Variants in ABCA7 observed in about 807,000 individuals in gnomAD.
ABCA7 encodes the protein ATP binding cassette subfamily A member 7, also known as phospholipid-transporting ATPase ABCA7.
In ABCA7, 261 loss-of-function variants were observed where a neutral mutation model predicts 227.6. The ratio of observed to expected loss-of-function variants is 1.15; its 90% CI spans 1.04 to 1.27. ABCA7 has a LOEUF of 1.27. Among genes scored for constraint, ABCA7 ranks in the 50% most tolerant of loss-of-function variants. The probability of loss-of-function intolerance (pLI) is 0.00; values close to 1 mark genes in which losing one functional copy is unlikely to be tolerated. For missense variants in ABCA7, 3,331 were observed against 2,924.5 expected (o/e 1.14, Z -3.21); for synonymous variants, 1,488 against 1,279.7 (o/e 1.16, Z -3.47).
In ABCA7 at chr19:1,046,275, C is replaced by G. The variant is rs776775082; in HGVS notation, c.1491C>G (p.Arg497=). The part of the protein sequence containing the change: ...GPAADPLTDL[R]YVWGGFVYLQ... ...CCGCGGACCCCCTGACCGACCTGCG[C>G]TACGTGTGGGGCGGCTTCGTGTACC... is the stretch of plus-strand genomic sequence containing the variant. The change falls in exon 13 of 47, where the codon CGC becomes CGG. Residue 497 remains arginine (R), a synonymous_variant. Transcript: ENST00000263094. The G allele has an allele frequency of 3.7e-6, 6 of 1,606,852 alleles. No homozygotes were observed. The highest frequency in any genetic ancestry group is 1.6e-4 in the Middle Eastern group (1 of 6,084).
At chr19:1,045,255 G>A (rs753821072) in intron 12 of ABCA7, 24 bp downstream of exon 12, 13 of 1,567,512 alleles carry the variant, frequency 8.3e-6, no homozygotes, top group African/African-American at 1.3e-5. Context: ...GGGGGCGGGG[G>A]GATGAGGGAC....
chr19:1,048,515 A>C (rs1317414887), intron 16 of ABCA7, among the ~76,000 whole-genome samples: 4 of 142,378 alleles, frequency 2.8e-5, no homozygotes, highest in Non-Finnish European at 6.1e-5. Context: ...AAAAACAAAA[A>C]AAAAAAAAAC....
intron 11 of ABCA7, 74 bp from the exon 12 acceptor site, chr19:1,044,915 CCCAGCCCCGAGGT>C (rs1263866803): frequency 2.0e-6 from 3 of 1,534,026 alleles, no homozygotes. Flanking sequence ...GAAAACATGG[CCCAGCCCCGAGGT>C]CCAGGGGGAG....
intron 16 of ABCA7, 68 bp downstream of exon 16, chr19:1,047,722 T>C (rs2040852486): frequency 7.3e-7 from 1 of 1,369,910 alleles, no homozygotes; most frequent in Non-Finnish European, 9.6e-7. Context: ...GCTAGGGGTG[T>C]GGCCTCCAGG....
At position 1,062,175 on chromosome 19, in the gene ABCA7, G is replaced by A. The variant is rs1286678988; in HGVS notation, c.5574G>A (p.Val1858=). Residue 1858 remains valine, a synonymous_variant, in exon 42 of 47, where the codon GTG becomes GTA. Transcript: ENST00000263094. ...RGEAVLAGHS[V]AREPSAAHLS... ...CCCCCGGCGCCCCCATCCCCAGCGT[G>A]GCCCGGGAACCCAGTGCTGCGCACC... is the stretch of plus-strand genomic sequence containing the variant. 6.2e-7 allele frequency: 1 copy of A among 1,611,692 alleles called. No homozygotes were observed. Among genetic ancestry groups the A allele is most frequent in the Non-Finnish European group, 8.5e-7 (1 of 1,179,292 alleles).
chr19:1,045,074 G>T lies in ABCA7; in HGVS notation c.1288G>T (p.Ala430Ser), dbSNP rs778098371. The change falls in exon 12 of 47, where the codon GCG becomes TCG. Residue 430 changes from alanine to serine, a missense_variant. Transcript: ENST00000263094. ...ALVSRALQLL[A>S]EHRFWAGVVF... ...GGTGTCGCGGGCCCTGCAACTGCTCGCGGAACATCGATTCTGGGCCGGCGT... is the reference window on the plus strand; with the variant it reads ...GGTGTCGCGGGCCCTGCAACTGCTCTCGGAACATCGATTCTGGGCCGGCGT... The T allele has an allele frequency of 6.2e-6, 10 of 1,612,934 alleles. No individual in the cohort carries two copies. The highest frequency in any genetic ancestry group is 1.6e-4 in the Middle Eastern group (1 of 6,062).
chr19:1,052,686 TAGGAGGGAGAGGAGG>T (rs1385782374), intron 23 of ABCA7, among the ~76,000 whole-genome samples: 624 of 16,480 alleles, frequency 0.038, 10 homozygotes, highest in Middle Eastern at 0.12. Context: ...GGGGGAGGAG[TAGGAGGGAGAGGAGG>T]AGGAGGGAGA....
rs755444670 is a variant in ABCA7 at position 1,042,362 on chromosome 19, G to C, written c.463G>C (p.Asp155His). The part of the protein sequence containing the change: ...KQSPLEPPML[D>H]VAELLTSLLR... ...GTCTCCACTGGAACCACCCATGCTG[G>C]ATGTCGCGGAGCTGCTGACGTCACT... The change falls in exon 6 of 47, where the codon GAT becomes CAT. Residue 155 changes from aspartate (D) to histidine (H), a missense_variant. Transcript: ENST00000263094. The C allele has an allele frequency of 1.2e-6, 2 of 1,602,584 alleles. No homozygotes were observed. The highest frequency in any genetic ancestry group is 1.7e-6 in the Non-Finnish European group (2 of 1,172,140).
intron 45 of ABCA7, 126 bp downstream of exon 45, chr19:1,064,379 T>C: frequency 8.9e-7 from 1 of 1,120,974 alleles, no homozygotes; most frequent in Non-Finnish European, 1.2e-6. Flanking sequence ...GGCCAAGGCT[T>C]TAGATTGTCC....
rs1389032585 is a variant in ABCA7, at chr19:1,044,635, A to G, written c.1106A>G (p.His369Arg). The G allele has an allele frequency of 1.2e-5, 20 of 1,613,272 alleles. No homozygotes were observed. The highest frequency in any genetic ancestry group is 1.5e-5 in the Non-Finnish European group (18 of 1,179,970). The change falls in exon 11 of 47, where the codon CAC becomes CGC. Residue 369 changes from histidine (H) to arginine (R), a missense_variant. Transcript: ENST00000263094. ...RRQPRPGGRDHMEALRSFLDP... is the reference protein window; with the variant it reads ...RRQPRPGGRDRMEALRSFLDP... The stretch of plus-strand genomic sequence containing the variant: ...CAGCCCAGACCTGGAGGCCGGGACC[A>G]CATGGAGGCCCTGCGATCCTTTCTG...
Position 1,064,353 on chromosome 19 carries a change from C to T in ABCA7, c.6044+100C>T. 1.5e-6 allele frequency: 2 copies of T among 1,302,296 alleles called. 1 individual carries two copies. The highest frequency in any genetic ancestry group is 2.1e-6 in the Non-Finnish European group (2 of 965,892). The allele number at this position is 1,302,296 out of a possible 1,614,324, so 80.7% of individuals were successfully genotyped here. On this transcript the variant is annotated intron_variant, in intron 45 of 46. Transcript: ENST00000263094. ...GTAGAGCCGGGTGAGGAAAGTTTGG[C>T]TCCAACTGGAGAGATGGCCAAGGCT...
At position 1,054,627 on chromosome 19, in the gene ABCA7, C is replaced by T. The variant is rs1301056019; in HGVS notation, c.3784C>T (p.Pro1262Ser). ...LALVFSLIVP[P>S]FGHYPALRLS... ...CCTCGTGTTCAGCCTCATCGTGCCT[C>T]CTTTCGGGCACTACCCGGCTCTGCG... The change falls in exon 28 of 47, where the codon CCT (proline) becomes TCT (serine). Residue 1262 changes from proline to serine, a missense_variant. Transcript: ENST00000263094. This position sits in a 1 kb window ranked among gnomAD's most constrained non-coding sequence, Gnocchi z 4.8. The T allele has an allele frequency of 6.2e-7, 1 of 1,613,286 alleles. No homozygotes were observed. Among genetic ancestry groups the T allele is most frequent in the Non-Finnish European group, 8.5e-7 (1 of 1,179,974 alleles).
intron 23 of ABCA7, 44 bp from the exon 24 acceptor site, chr19:1,053,285 G>A: frequency 6.4e-7 from 1 of 1,569,150 alleles, no homozygotes; most frequent in Non-Finnish European, 8.7e-7. Flanking sequence ...GACTGGGGTG[G>A]GGCGTGAGCC....
chr19:1,043,930 ACCC>A (rs2040326405), intron 10 of ABCA7, 89 bp downstream of exon 10: 1 of 987,096 alleles, frequency 1.0e-6, no homozygotes, highest in African/African-American at 1.9e-5. Flanking sequence ...CTCCGTGCAG[ACCC>A]CCACTTTTTT....
At chr19:1,047,931 G>C (rs899441065) in intron 16 of ABCA7, among the ~76,000 whole-genome samples, 1 of 152,238 alleles carries the variant, frequency 6.6e-6, no homozygotes, top group African/African-American at 2.4e-5. Context: ...GCTCACGCTT[G>C]TAATCCCAGC....
intron 34 of ABCA7, 54 bp from the exon 35 acceptor site, chr19:1,057,260 G>A (rs1007896682): frequency 7.5e-6 from 12 of 1,590,746 alleles, no homozygotes; most frequent in Non-Finnish European, 1.0e-5. Context: ...AGGGCTGAGG[G>A]TGGCAGTGCC....
intron 23 of ABCA7, 27 bp from the exon 24 acceptor site, chr19:1,053,302 C>T: frequency 6.3e-7 from 1 of 1,598,290 alleles, no homozygotes; most frequent in Non-Finnish European, 8.5e-7. Context: ...AGCCGGGGCT[C>T]CCTGAAGCAC....
chr19:1,043,313 C>T (rs1568233159), intron 8 of ABCA7, 21 bp from the exon 9 acceptor site: 2 of 1,612,664 alleles, frequency 1.2e-6, no homozygotes, highest in East Asian at 4.5e-5. Context: ...GGGGCAGGGC[C>T]TCATGGCACC....
At chr19:1,064,040 TG>T in intron 44 of ABCA7, 120 bp from the exon 45 acceptor site, 1 of 1,330,048 alleles carries the variant, frequency 7.5e-7, no homozygotes, top group Non-Finnish European at 1.0e-6. Context: ...CAGAACGGTC[TG>T]GGGAAGAGTG....
Sources: allele counts gnomAD v4.1 joint callset (sites outside exome capture counted in the v4.1 genomes callset), GRCh38; gene constraint gnomAD v4.1.1; non-coding constraint Gnocchi (gnomAD v3.1); transcripts MANE v1.5; gene names NCBI Gene and HGNC (gene_info 2026-07-23, HGNC 2026-07-21).